Variants in STRBP observed in about 807,000 individuals in gnomAD.
STRBP encodes spermatid perinuclear RNA binding protein.
STRBP carries 13 observed loss-of-function variants against 80.1 expected under a neutral mutation model. The observed-to-expected ratio is 0.16, with a 90% CI of 0.11 to 0.26. STRBP has a LOEUF of 0.26. Ranked by LOEUF, STRBP falls within the 10% of genes least tolerant of loss-of-function variation. The pLI, the probability that STRBP is intolerant of heterozygous loss-of-function variation, is 1.00. For synonymous variants in STRBP, 284 were observed against 291.2 expected (o/e 0.98, Z 0.25); for missense variants, 485 against 815.2 (o/e 0.59, Z 4.93).
intron 3 of STRBP, chr9:123,112,033 C>T (rs1206140821): frequency 5.6e-6 from 1 of 178,102 alleles, no homozygotes; most frequent in African/African-American, 2.4e-5. Flanking sequence ...CCTGCCTCTC[C>T]AGGGCCTGCC....
chr9:123,192,236 G>T (rs1303566648), intron 2 of STRBP, among the ~76,000 whole-genome samples: 1 of 152,162 alleles, frequency 6.6e-6, no homozygotes, highest in African/African-American at 2.4e-5. Flanking sequence ...TCTGGATTAG[G>T]ATATAAATTT....
At chr9:123,137,290 G>A (rs1170090640) in intron 14 of STRBP, among the ~76,000 whole-genome samples, 1 of 152,196 alleles carries the variant, frequency 6.6e-6, no homozygotes, top group Admixed American at 6.5e-5. Context: ...TTTTGAGAAA[G>A]GAGAAACCAA....
At chr9:123,132,794 T>A in intron 17 of STRBP, 51 bp downstream of exon 17, 1 of 1,604,588 alleles carries the variant, frequency 6.2e-7, no homozygotes, top group South Asian at 1.1e-5. Context: ...ATGCTATTCT[T>A]TGAATTTCGG....
chr9:123,111,560 T>C, intron 3 of STRBP: 1 of 473,572 alleles, frequency 2.1e-6, no homozygotes, highest in African/African-American at 2.0e-5. Context: ...AGGGCTGGCC[T>C]GAGCAAGGCT....
At chr9:123,175,871 C>T (rs1325468317) in intron 4 of STRBP, among the ~76,000 whole-genome samples, 1 of 152,196 alleles carries the variant, frequency 6.6e-6, no homozygotes, top group East Asian at 1.9e-4. Flanking sequence ...GATTGGATAA[C>T]ACTCTACCTA....
At chr9:123,164,488 C>T (rs1048653330) in intron 6 of STRBP, among the ~76,000 whole-genome samples, 1 of 152,170 alleles carries the variant, frequency 6.6e-6, no homozygotes, top group Non-Finnish European at 1.5e-5. Flanking sequence ...AAATCAGTGA[C>T]CAGAATCACA....
intron 11 of STRBP, among the ~76,000 whole-genome samples, chr9:123,151,895 T>G (rs893386806): frequency 1.3e-5 from 2 of 152,162 alleles, no homozygotes; most frequent in Admixed American, 1.3e-4. Context: ...CAAAAGTTAA[T>G]TTTCCTATAA....
rs771880523 is a variant in STRBP, at chr9:123,139,489, C to CAT, written c.1497+38_1497+39dup. The CAT allele has an allele frequency of 1.1e-5, 17 of 1,492,930 alleles. No homozygotes were observed. In the African/African-American group the frequency reaches 2.1e-4, roughly 19 times the overall value. 92.5% of individuals were successfully genotyped at this position (1,492,930 alleles called of 1,614,324 possible). On this transcript the variant is annotated intron_variant, in intron 14 of 18. Transcript: ENST00000348403. Reference sequence around the variant, plus strand: ...CATCTCTCAAATTTCCTACAATGCACATATATGTTATTTTTTTTCTGAGAA... The same window carrying CAT: ...CATCTCTCAAATTTCCTACAATGCACATATATATGTTATTTTTTTTCTGAGAA...
In STRBP at chr9:123,110,426, CCTT is replaced by C. The variant is rs1253679301; in HGVS notation, c.*85-676_*85-674del. 5 of 169,082 alleles carry C rather than the reference CCTT, an allele frequency of 3.0e-5. No homozygotes were observed. The highest frequency in any genetic ancestry group is 5.1e-4 in the Middle Eastern group (1 of 1,944). 10.5% of individuals were successfully genotyped at this position (169,082 alleles called of 1,614,324 possible). ...CCTAATTTATGGTTACCTCAGGAAA[CCTT>C]CTTTTGAAGAAGTGGCTGGGACCAA... is the stretch of plus-strand genomic sequence containing the variant. On this transcript the variant is annotated intron_variant and NMD_transcript_variant, in intron 3 of 3. Transcript: ENST00000471564. The surrounding 1 kb of genome is among the most constrained non-coding windows in gnomAD (Gnocchi z 4.1).
chr9:123,248,729 G>A (rs1278845867), intron 1 of STRBP, among the ~76,000 whole-genome samples: 1 of 152,168 alleles, frequency 6.6e-6, no homozygotes, highest in African/African-American at 2.4e-5. Flanking sequence ...ATAACCTGAT[G>A]TAATGATTAC....
intron 2 of STRBP, among the ~76,000 whole-genome samples, chr9:123,223,629 G>A (rs1464144023): frequency 6.6e-6 from 1 of 151,976 alleles, no homozygotes; most frequent in African/African-American, 2.4e-5. Context: ...GACATTATGA[G>A]CTCAAAACAT....
chr9:123,216,895 A>G (rs775516099), intron 2 of STRBP, among the ~76,000 whole-genome samples: 18 of 152,222 alleles, frequency 1.2e-4, no homozygotes, highest in South Asian at 4.1e-4. Flanking sequence ...ACTGAAACTC[A>G]GTTAAGTCAC....
In STRBP at chr9:123,190,482, C is replaced by T. The variant is rs545237656; in HGVS notation, c.-164-6184G>A. On this transcript the variant is annotated intron_variant, in intron 2 of 18. Coordinates refer to ENST00000348403, the MANE Select transcript of STRBP (RefSeq NM_018387.5). ...CTTTTTCATGTAAAAAAAAAAGGCA[C>T]GTGCAAGAAGGTTAAACCTATCAAT... Among the ~76,000 whole-genome samples the T allele has an allele frequency of 5.4e-5, 8 of 147,516 alleles. No homozygotes were observed. The East Asian group carries it at 1.2e-3, about 21-fold the overall frequency.
intron 18 of STRBP, among the ~76,000 whole-genome samples, chr9:123,127,664 T>C (rs2035950170): frequency 6.6e-6 from 1 of 152,220 alleles, no homozygotes; most frequent in South Asian, 2.1e-4. Flanking sequence ...ACAGACTTCC[T>C]GCAGCGAGCA....
At chr9:123,172,990 T>A (rs138864564) in intron 5 of STRBP, among the ~76,000 whole-genome samples, 12 of 152,232 alleles carry the variant, frequency 7.9e-5, no homozygotes, top group Admixed American at 2.0e-4. Flanking sequence ...ACAATATGCA[T>A]CTGAAACTGA....
At chr9:123,260,078 T>C (rs944793262) in intron 1 of STRBP, among the ~76,000 whole-genome samples, 1 of 152,150 alleles carries the variant, frequency 6.6e-6, no homozygotes, top group African/African-American at 2.4e-5. Context: ...AGAAATTGGG[T>C]AGCAGCTAAA....
intron 2 of STRBP, among the ~76,000 whole-genome samples, chr9:123,210,527 A>C (rs568260594): frequency 6.6e-6 from 1 of 152,266 alleles, no homozygotes; most frequent in East Asian, 1.9e-4. Flanking sequence ...TAGAAGAAAC[A>C]TTATTATAAA....
intron 4 of STRBP, among the ~76,000 whole-genome samples, chr9:123,177,345 C>T (rs2132445780): frequency 6.6e-6 from 1 of 152,226 alleles, no homozygotes; most frequent in South Asian, 2.1e-4. Flanking sequence ...GGCAGGATAG[C>T]TTGAGGTCAG....
rs190628156 is a variant in STRBP at position 123,259,163 on chromosome 9, T to C, written c.-302+9273A>G. ...GAGAAGTGGTCAGATTCTGGATATA[T>C]TTTAAACAGAGCTGCTAAGATTTCC... On this transcript the variant is annotated intron_variant, in intron 1 of 18. Transcript: ENST00000348403. 2.8e-3 allele frequency among the ~76,000 whole-genome samples: 427 copies of C among 152,188 alleles called. 5 individuals are homozygous for C. Among genetic ancestry groups the C allele is most frequent in the African/African-American group, 9.9e-3 (412 of 41,520 alleles).
Sources: allele counts gnomAD v4.1 joint callset (sites outside exome capture counted in the v4.1 genomes callset), GRCh38; gene constraint gnomAD v4.1.1; non-coding constraint Gnocchi (gnomAD v3.1); transcripts MANE v1.5; gene names NCBI Gene and HGNC (gene_info 2026-07-23, HGNC 2026-07-21).